SAE1: variants seen among roughly 807,000 people sequenced by gnomAD.
SAE1 encodes SUMO1 activating enzyme subunit 1, also known as SUMO-activating enzyme subunit 1.
A neutral mutation model predicts 40.6 loss-of-function variants in SAE1; 11 were observed. The ratio of observed to expected loss-of-function variants is 0.27; its 90% CI spans 0.17 to 0.45. The LOEUF (loss-of-function observed/expected upper bound fraction) is 0.45. Ranked by LOEUF, SAE1 falls within the 20% of genes least tolerant of loss-of-function variation. The probability of loss-of-function intolerance (pLI) is 1.00; values close to 1 mark genes in which losing one functional copy is unlikely to be tolerated. For synonymous variants in SAE1, 155 were observed against 154.3 expected, an observed-to-expected ratio of 1.00 and a Z score of -0.03; for missense variants, 373 against 427.3, an observed-to-expected ratio of 0.87 and a Z score of 1.12.
chr19:47,207,190 G>A (rs75790361), intron 8 of SAE1, among the ~76,000 whole-genome samples: 3,462 of 152,268 alleles, frequency 0.023, 134 homozygotes, highest in East Asian at 0.19. Context: ...GCAGTAAGCC[G>A]AGAATGTGCC....
chr19:47,178,617 C>T (rs1220121532), intron 6 of SAE1, among the ~76,000 whole-genome samples: 1 of 152,110 alleles, frequency 6.6e-6, no homozygotes, highest in Non-Finnish European at 1.5e-5. Context: ...GGATCACAGG[C>T]ACACGCCACC....
chr19:47,174,211 C>G (rs904509783), intron 6 of SAE1, among the ~76,000 whole-genome samples: 1 of 151,772 alleles, frequency 6.6e-6, no homozygotes, highest in South Asian at 2.1e-4. Context: ...AATTATCTGT[C>G]TTTTTCAGTT....
At chr19:47,207,941 C>A (rs539607580) in intron 8 of SAE1, among the ~76,000 whole-genome samples, 4 of 152,182 alleles carry the variant, frequency 2.6e-5, no homozygotes, top group African/African-American at 9.6e-5. Flanking sequence ...CAGCCCTGTT[C>A]TTGTATTTTA....
chr19:47,149,816 G>A, intron 2 of SAE1, among the ~76,000 whole-genome samples: 1 of 152,116 alleles, frequency 6.6e-6, no homozygotes, highest in Non-Finnish European at 1.5e-5. Context: ...AGTGTTTCAT[G>A]CCTGTAATCT....
chr19:47,149,319 C>T (rs2058273184), intron 2 of SAE1, among the ~76,000 whole-genome samples: 1 of 151,706 alleles, frequency 6.6e-6, no homozygotes, highest in African/African-American at 2.4e-5. Context: ...TACAGGCACA[C>T]ACCACCACAC....
rs541601344 is a variant in SAE1 at position 47,207,836 on chromosome 19, A to G, written c.949-1323A>G. On this transcript the variant is annotated intron_variant, in intron 8 of 8. Transcript: ENST00000270225. The stretch of plus-strand genomic sequence containing the variant: ...TTTTTTGTAGATATGGGGTTTTGCC[A>G]TGTTGCCCAGGCTGGTCTCGAACTC... 4.4e-4 allele frequency among the ~76,000 whole-genome samples: 67 copies of G among 152,104 alleles called. 1 individual carries two copies. In the South Asian group the frequency reaches 0.011, roughly 24 times the overall value.
In SAE1 at chr19:47,169,896, A is replaced by G; in HGVS notation, c.706A>G (p.Thr236Ala). The G allele has an allele frequency of 6.2e-7, 1 of 1,614,022 alleles. No homozygotes were observed. Among genetic ancestry groups the G allele is most frequent in the South Asian group, 1.1e-5 (1 of 91,078 alleles). Residue 236 changes from threonine (T) to alanine (A), a missense_variant, in exon 6 of 9, where the codon ACG becomes GCG. Thr to Ala is a moderately conservative substitution (Grantham distance 58, BLOSUM62 0). Coordinates refer to ENST00000270225, the MANE Select transcript of SAE1 (RefSeq NM_005500.3). ...GAAAGCAAAGGCTGCTCTGAAGCGC[A>G]CGACCTCCGACTACTTTCTCCTTCA... ...SEKAKAALKR[T>A]TSDYFLLQVL...
intron 5 of SAE1, among the ~76,000 whole-genome samples, chr19:47,167,575 A>G (rs377089416): frequency 2.6e-5 from 4 of 152,120 alleles, no homozygotes; most frequent in African/African-American, 9.7e-5. Flanking sequence ...ATCTATATGC[A>G]TCCTTAGCAA....
chr19:47,137,726 TG>T (rs540860076), intron 1 of SAE1, among the ~76,000 whole-genome samples: 109 of 100,150 alleles, frequency 1.1e-3, no homozygotes, highest in Non-Finnish European at 1.8e-3. Flanking sequence ...TGTGTGTGTG[TG>T]TTGTTTTTTT....
chr19:47,151,118 G>A (rs748942504), intron 3 of SAE1, among the ~76,000 whole-genome samples: 25 of 151,688 alleles, frequency 1.6e-4, no homozygotes, highest in African/African-American at 2.4e-4. Context: ...TACATGAGAG[G>A]TTAGAATTTG....
intron 7 of SAE1, among the ~76,000 whole-genome samples, chr19:47,200,556 A>G (rs1302624823): frequency 6.6e-6 from 1 of 151,934 alleles, no homozygotes; most frequent in African/African-American, 2.4e-5. Flanking sequence ...TTTTTGTTGT[A>G]GAGACGGGGG....
At position 47,197,237 on chromosome 19, in the gene SAE1, C is replaced by T; in HGVS notation, c.738C>T (p.Leu246=). Residue 246 remains leucine, a synonymous_variant, in exon 7 of 9, where the codon CTC becomes CTT. Transcript: ENST00000270225. ...TTSDYFLLQV[L]LKFRTDKGRD... ...CCTTCTTTTTCTTATTCCCAGTGCT[C>T]TTAAAGTTCCGTACAGATAAAGGAA... The T allele has an allele frequency of 6.2e-7, 1 of 1,601,038 alleles. No individual in the cohort carries two copies. Among genetic ancestry groups the T allele is most frequent in the East Asian group, 2.2e-5 (1 of 44,716 alleles).
chr19:47,174,296 TTTC>T (rs2058454379), intron 6 of SAE1, among the ~76,000 whole-genome samples: 1 of 151,244 alleles, frequency 6.6e-6, no homozygotes, highest in African/African-American at 2.4e-5. Context: ...CTTTTTTCTT[TTTC>T]TTTTTTTTTT....
At chr19:47,132,006 T>C (rs1158166773) in intron 1 of SAE1, among the ~76,000 whole-genome samples, 4 of 151,676 alleles carry the variant, frequency 2.6e-5, no homozygotes, top group Admixed American at 6.6e-5. Flanking sequence ...AGGACGTCTT[T>C]TGTTTTGTGC....
At chr19:47,155,031 C>A in intron 4 of SAE1, 83 bp from the exon 5 acceptor site, 1 of 854,624 alleles carries the variant, frequency 1.2e-6, no homozygotes, top group Non-Finnish European at 2.0e-6. Context: ...CCATCCCGAT[C>A]TGTGACCTGG....
chr19:47,136,556 C>T (rs1030707473), intron 1 of SAE1, among the ~76,000 whole-genome samples: 3 of 141,388 alleles, frequency 2.1e-5, no homozygotes, highest in East Asian at 2.3e-4. Context: ...AGTATGGTGG[C>T]GTGATCTCAG....
intron 6 of SAE1, among the ~76,000 whole-genome samples, chr19:47,189,867 G>A (rs943261438): frequency 1.3e-5 from 2 of 152,156 alleles, no homozygotes; most frequent in Admixed American, 1.3e-4. Flanking sequence ...AGAAGTTTAT[G>A]TAACAAACAG....
intron 7 of SAE1, among the ~76,000 whole-genome samples, chr19:47,201,360 C>CTTTTTTTTTTTTTTTTTTTTTTT (rs57568797): frequency 3.0e-5 from 2 of 66,228 alleles, no homozygotes; most frequent in African/African-American, 1.3e-4. Flanking sequence ...TATCTGGTTC[C>CTTTTTTTTTTTTTTTTTTTTTTT]TTTTTTTTTT....
chr19:47,194,384 C>T (rs1433339880), intron 6 of SAE1, among the ~76,000 whole-genome samples: 2 of 152,114 alleles, frequency 1.3e-5, no homozygotes, highest in East Asian at 3.8e-4. Context: ...TTGAATTTAC[C>T]TTAATTTTTA....
Sources: gnomAD v4.1 joint callset for allele counts (sites outside exome capture counted in the v4.1 genomes callset) on GRCh38, gnomAD v4.1.1 for gene constraint, MANE v1.5 for transcripts, NCBI Gene and HGNC (gene_info 2026-07-23, HGNC 2026-07-21) for gene names.